KRT39: variants seen among roughly 807,000 people sequenced by gnomAD.
KRT39 encodes keratin, type I cytoskeletal 39.
KRT39 carries 47 observed loss-of-function variants against 54.8 expected under a neutral mutation model. The observed-to-expected ratio is 0.86, with a 90% CI of 0.68 to 1.09. The LOEUF (loss-of-function observed/expected upper bound fraction) is 1.09. Ranked by LOEUF, KRT39 falls within the 50% of genes least tolerant of loss-of-function variation. The pLI is 0.00. For missense variants in KRT39, 580 were observed against 598.5 expected (o/e 0.97, Z 0.32); for synonymous variants, 207 against 227.9 (o/e 0.91, Z 0.83).
chr17:40,964,594 G>A (rs1911289938), intron 1 of KRT39, 66 bp from the exon 2 acceptor site: 2 of 1,106,632 alleles, frequency 1.8e-6, no homozygotes, highest in East Asian at 2.3e-5. Context: ...AAGAACCAAG[G>A]GGTTTGTGTG....
intron 1 of KRT39, among the ~76,000 whole-genome samples, chr17:40,965,909 T>G (rs7208291): frequency 0.65 from 99,201 of 151,994 alleles, 34,018 homozygotes; most frequent in African/African-American, 0.88. Flanking sequence ...TTTAAAGACA[T>G]AGTCTCACTT....
chr17:40,966,471 TG>T lies in KRT39; in HGVS notation c.385del (p.Gln129ArgfsTer48). The T allele has an allele frequency of 1.9e-6, 3 of 1,614,206 alleles. No individual in the cohort carries two copies. The highest frequency in any genetic ancestry group is 2.5e-6 in the Non-Finnish European group (3 of 1,180,008). On this transcript the variant is annotated frameshift_variant, in exon 1 of 7. Transcript: ENST00000355612. LOFTEE classifies it high-confidence loss of function. ...AGGGAGCTCTTTGTTACTTTCTTCC[TG>T]GATTTTAGATTCCAGTTCAGCATTC... ...RENAELESKI[Q>X]EESNKELPVL...
At chr17:40,963,851 T>C in intron 2 of KRT39, 68 bp from the exon 3 acceptor site, 1 of 1,312,562 alleles carries the variant, frequency 7.6e-7, no homozygotes, top group South Asian at 1.5e-5. Flanking sequence ...CAAGCAGAAC[T>C]CTCATCTGCA....
rs1295417423 is a variant in KRT39 at position 40,962,563 on chromosome 17, C to T, written c.709G>A (p.Glu237Lys). ...AGCTGACACTGTAAAGAATTGATTT[C>T]CTAAGGAAAGAAAAAGACTGTGAAG... The part of the protein sequence containing the change: ...LLCLKNNHKE[E>K]INSLQCQLGE... Residue 237 changes from glutamate to lysine, a missense_variant and splice_region_variant, in exon 4 of 7, where the codon GAA becomes AAA. By Grantham distance (56) the Glu-to-Lys change is moderately conservative. Coordinates refer to ENST00000355612, the MANE Select transcript of KRT39 (RefSeq NM_213656.4). 9 of 1,609,530 alleles carry T rather than the reference C, an allele frequency of 5.6e-6. No individual in the cohort carries two copies. Among genetic ancestry groups the T allele is most frequent in the Non-Finnish European group, 7.6e-6 (9 of 1,178,690 alleles).
chr17:40,958,992 T>A, intron 6 of KRT39, 133 bp from the exon 7 acceptor site: 1 of 776,954 alleles, frequency 1.3e-6, no homozygotes, highest in Non-Finnish European at 2.1e-6. Flanking sequence ...CTTATTCATT[T>A]ATTTTGTACT....
In KRT39 at chr17:40,966,710, G is replaced by C; in HGVS notation, c.147C>G (p.His49Gln). ...LTVNNCQPAG[H>Q]VLRIPWDQGC... ...CCTGGTCCCAGGGAATTCTGAGAAC[G>C]TGGCCAGCTGGTTGACAGTTGTTGA... The change falls in exon 1 of 7, where the codon CAC becomes CAG. Residue 49 changes from histidine to glutamine, a missense_variant. By Grantham distance (24) the His-to-Gln change is conservative (BLOSUM62 0). Coordinates refer to ENST00000355612, the MANE Select transcript of KRT39 (RefSeq NM_213656.4). 1.2e-6 allele frequency: 2 copies of C among 1,614,218 alleles called. No individual in the cohort carries two copies. Among genetic ancestry groups the C allele is most frequent in the South Asian group, 1.1e-5 (1 of 91,090 alleles).
In KRT39 at chr17:40,964,487, T is replaced by A. The variant is rs370241065; in HGVS notation, c.510A>T (p.Gln170His). The A allele has an allele frequency of 6.2e-7, 1 of 1,614,036 alleles. No homozygotes were observed. The highest frequency in any genetic ancestry group is 1.3e-5 in the African/African-American group (1 of 74,914). ...TKAENSRLVSQIDNTKLTADD... is the reference protein window; with the variant it reads ...TKAENSRLVSHIDNTKLTADD... ...CTGCAGTCAGTTTGGTGTTGTCAAT[T>A]TGCGAGACCAGTCTGGAATTCTCGG... Residue 170 changes from glutamine to histidine, a missense_variant, in exon 2 of 7, where the codon CAA becomes CAT. Coordinates refer to ENST00000355612, the MANE Select transcript of KRT39 (RefSeq NM_213656.4).
Position 40,962,393 on chromosome 17 carries a change from A to G in KRT39, c.870+9T>C. 6.2e-7 allele frequency: 1 copy of G among 1,613,530 alleles called. No homozygotes were observed. Among genetic ancestry groups the G allele is most frequent in the Non-Finnish European group, 8.5e-7 (1 of 1,179,646 alleles). ...AGCTTATTGTTTTTGACTTTTCTAT[A>G]TCCCCCACCTGCGTGTTGAACCACT... On this transcript the variant is annotated intron_variant, in intron 4 of 6. Transcript: ENST00000355612.
Position 40,963,664 on chromosome 17 carries a change from T to C in KRT39, c.671A>G (p.Lys224Arg), listed in dbSNP as rs1339431275. The C allele has an allele frequency of 6.2e-7, 1 of 1,610,160 alleles. No individual in the cohort carries two copies. Among genetic ancestry groups the C allele is most frequent in the African/African-American group, 1.3e-5 (1 of 74,888 alleles). ...GTTCTTGAGGCAAAGGAGCTCCTCT[T>C]TCAGAGACTGGACTTGTGCCTCTAG... ...ADLEAQVQSL[K>R]EELLCLKNNH... is the part of the protein sequence containing the mutation. Residue 224 changes from lysine to arginine, a missense_variant, in exon 3 of 7, where the codon AAA (lysine) becomes AGA (arginine). Physicochemically the swap from Lys to Arg is conservative, Grantham distance 26. Coordinates refer to ENST00000355612, the MANE Select transcript of KRT39 (RefSeq NM_213656.4).
rs778901286 is a variant in KRT39, at chr17:40,958,695, A to C, written c.1382T>G (p.Ile461Ser). 2.5e-6 allele frequency: 4 copies of C among 1,613,990 alleles called. No homozygotes were observed. Among genetic ancestry groups the C allele is most frequent in the Non-Finnish European group, 3.4e-6 (4 of 1,179,986 alleles). ...CGPLSRILVK[I>S]CTITKEIKDG... The stretch of plus-strand genomic sequence containing the variant: ...CTTAATCTCCTTGGTGATGGTGCAA[A>C]TTTTAACCAGTATCCGGGACAGGGG... Residue 461 changes from isoleucine to serine, a missense_variant, in exon 7 of 7, where the codon ATT (isoleucine) becomes AGT (serine). Physicochemically the swap from Ile to Ser is moderately radical, Grantham distance 142. Transcript: ENST00000355612.
At chr17:40,964,334 C>T in intron 2 of KRT39, 112 bp downstream of exon 2, 2 of 838,954 alleles carry the variant, frequency 2.4e-6, no homozygotes, top group Admixed American at 3.8e-5. Flanking sequence ...GGGCTTGTGC[C>T]AACATCATCT....
chr17:40,959,734 G>T (rs1597903194), intron 6 of KRT39, among the ~76,000 whole-genome samples: 1 of 152,238 alleles, frequency 6.6e-6, no homozygotes, highest in African/African-American at 2.4e-5. Context: ...CTTATGGGTT[G>T]GTTAGCTTCT....
intron 5 of KRT39, 77 bp from the exon 6 acceptor site, chr17:40,960,578 A>C: frequency 9.1e-7 from 1 of 1,095,494 alleles, no homozygotes; most frequent in Non-Finnish European, 1.4e-6. Context: ...TCATTTAAAA[A>C]AAATGGTTTC....
Position 40,958,646 on chromosome 17 carries a change from G to T in KRT39, c.1431C>A (p.Tyr477Ter), listed in dbSNP as rs763158179. Residue 477 changes from tyrosine to a stop codon, truncating the protein, a stop_gained, in exon 7 of 7, where the codon TAC (tyrosine) becomes TAA (stop). Coordinates refer to ENST00000355612, the MANE Select transcript of KRT39 (RefSeq NM_213656.4). LOFTEE classifies it high-confidence loss of function. ...TGATGAAACAAGGCTGCACATGCTC[G>T]TAAGAAGAAATGACCTTCCCATCCT... ...EIKDGKVISSYEHVQPCFIIR... is the reference protein window; with the variant it reads ...EIKDGKVISS The T allele has an allele frequency of 6.2e-7, 1 of 1,613,716 alleles. No individual in the cohort carries two copies. The highest frequency in any genetic ancestry group is 1.7e-4 in the Middle Eastern group (1 of 6,056).
At chr17:40,963,906 T>A in intron 2 of KRT39, 123 bp from the exon 3 acceptor site, 1 of 676,526 alleles carries the variant, frequency 1.5e-6, no homozygotes, top group East Asian at 2.6e-5. Flanking sequence ...TTAGAAGTTT[T>A]ATTCTCTTTG....
chr17:40,963,751 A>G lies in KRT39; in HGVS notation c.584T>C (p.Val195Ala). The G allele has an allele frequency of 8.7e-6, 14 of 1,603,690 alleles. No individual in the cohort carries two copies. The highest frequency in any genetic ancestry group is 1.2e-5 in the Non-Finnish European group (14 of 1,171,932). Residue 195 changes from valine to alanine, a missense_variant, in exon 3 of 7, where the codon GTA becomes GCA. Val to Ala is a moderately conservative substitution (Grantham distance 64). Coordinates refer to ENST00000355612, the MANE Select transcript of KRT39 (RefSeq NM_213656.4). ...YEAEVSLRQLVESDANGLKQI... is the reference protein window; with the variant it reads ...YEAEVSLRQLAESDANGLKQI... ...CTTGAGGCCATTGGCATCTGACTCT[A>G]CCAGCTGGCGTAGAGACACCTCAGC...
intron 5 of KRT39, 74 bp downstream of exon 5, chr17:40,962,088 A>C: frequency 6.5e-7 from 1 of 1,538,432 alleles, no homozygotes; most frequent in African/African-American, 1.4e-5. Context: ...ACAGTTTGGG[A>C]AATACTGCAG....
chr17:40,960,029 A>T (rs145165487), intron 6 of KRT39, among the ~76,000 whole-genome samples: 1 of 152,224 alleles, frequency 6.6e-6, no homozygotes, highest in Non-Finnish European at 1.5e-5. Flanking sequence ...TAAGCAACCT[A>T]TAAGAAATTA....
In KRT39 at chr17:40,958,763, G is replaced by A; in HGVS notation, c.1314C>T (p.Ser438=). 6.2e-7 allele frequency: 1 copy of A among 1,614,112 alleles called. No individual in the cohort carries two copies. Among genetic ancestry groups the A allele is most frequent in the Non-Finnish European group, 8.5e-7 (1 of 1,180,014 alleles). ...AIESTAPACT[S]SSPCSLKEHC... ...GCTCCTTTAAGCTGCAGGGGGATGA[G>A]GATGTGCAAGCTGGGGCCGTGCTTT... The change falls in exon 7 of 7, where the codon TCC becomes TCT. Residue 438 remains serine, a synonymous_variant. Coordinates refer to ENST00000355612, the MANE Select transcript of KRT39 (RefSeq NM_213656.4).
Sources: allele counts gnomAD v4.1 joint callset (sites outside exome capture counted in the v4.1 genomes callset), GRCh38; gene constraint gnomAD v4.1.1; transcripts MANE v1.5; gene names NCBI Gene and HGNC (gene_info 2026-07-23, HGNC 2026-07-21).